LZIC: variants seen among roughly 807,000 people sequenced by gnomAD.
LZIC encodes leucine zipper and CTNNBIP1 domain containing, also known as protein LZIC.
LZIC carries 28 observed loss-of-function variants against 25.4 expected under a neutral mutation model. The ratio of observed to expected loss-of-function variants is 1.10; its 90% CI spans 0.82 to 1.51. The LOEUF (loss-of-function observed/expected upper bound fraction) is 1.51. Ranked by LOEUF, LZIC falls within the 40% of genes most tolerant of loss-of-function variation. The pLI, the probability that LZIC is intolerant of heterozygous loss-of-function variation, is 0.00. For synonymous variants in LZIC, 65 were observed against 70.7 expected (o/e 0.92, Z 0.40); for missense variants, 170 against 211.1 (o/e 0.81, Z 1.21).
At position 9,931,947 on chromosome 1, in the gene LZIC, A is replaced by T; in HGVS notation, c.458T>A (p.Leu153Ter). Residue 153 changes from leucine to a stop codon, truncating the protein, a stop_gained, in exon 7 of 8, where the codon TTG becomes TAG. Transcript: ENST00000377223. LOFTEE classifies it high-confidence loss of function. ...GAGTATAGCACCTGCATTTGCTGAC[A>T]AGAAGGCCTCATCATCTGCAGTCAG... ...EKLTADDEAF[L>*]SANAGAILSQ... The T allele has an allele frequency of 1.2e-6, 2 of 1,613,866 alleles. No homozygotes were observed. The highest frequency in any genetic ancestry group is 1.7e-6 in the Non-Finnish European group (2 of 1,179,876).
chr1:9,929,497 GTAGAT>G lies in LZIC; in HGVS notation c.*897_*901del. On this transcript the variant is annotated 3_prime_UTR_variant, in exon 8 of 8. Transcript: ENST00000377223. The stretch of plus-strand genomic sequence containing the variant: ...TTTGTGTTTCTCCAAAACCTGAAGA[GTAGAT>G]AACAGCTGACAGTTACCCCCCTCTG... 2.0e-6 allele frequency: 2 copies of G among 985,156 alleles called. No homozygotes were observed. Among genetic ancestry groups the G allele is most frequent in the Non-Finnish European group, 2.4e-6 (2 of 829,904 alleles). The allele number at this position is 985,156 out of a possible 1,614,324, so 61.0% of individuals were successfully genotyped here.
chr1:9,937,847 C>CAAAA (rs34452687), intron 2 of LZIC, among the ~76,000 whole-genome samples: 14 of 52,728 alleles, frequency 2.7e-4, no homozygotes, highest in East Asian at 6.2e-4. Context: ...GACCCTGACT[C>CAAAA]AAAAAAAAAA....
Position 9,928,713 on chromosome 1 carries a change from TAAA to T in LZIC, c.*1683_*1685del, listed in dbSNP as rs1257004116. Reference sequence around the variant, plus strand: ...ACATGGTGAAACCCTGTCTCTATACTAAAGGTACAAAAATTAGCTGGGCGTGGT... The same window carrying T: ...ACATGGTGAAACCCTGTCTCTATACTGGTACAAAAATTAGCTGGGCGTGGT... On this transcript the variant is annotated 3_prime_UTR_variant, in exon 8 of 8. Transcript: ENST00000377223. Among the ~76,000 whole-genome samples the T allele has an allele frequency of 4.0e-5, 6 of 151,754 alleles. No homozygotes were observed. Among genetic ancestry groups the T allele is most frequent in the Admixed American group, 1.3e-4 (2 of 15,216 alleles).
At chr1:9,926,050 C>G (rs958057255), downstream of LZIC, among the ~76,000 whole-genome samples, 8 of 151,986 alleles carry the variant, frequency 5.3e-5, no homozygotes, top group Non-Finnish European at 1.2e-4. Flanking sequence ...CCCGCCACCA[C>G]GCCCAGCTAA....
intron 2 of LZIC, among the ~76,000 whole-genome samples, chr1:9,941,793 G>A (rs572730825): frequency 3.2e-4 from 48 of 151,532 alleles, no homozygotes; most frequent in African/African-American, 1.2e-3. Context: ...CACCGCACCC[G>A]GCCTTTACCT....
intron 3 of LZIC, 49 bp downstream of exon 3, chr1:9,936,470 C>T: frequency 7.9e-7 from 1 of 1,269,906 alleles, no homozygotes; most frequent in Non-Finnish European, 1.2e-6. Flanking sequence ...GAGCTAGCTG[C>T]AGAAAAAACG....
At chr1:9,935,688 T>A in intron 3 of LZIC, 61 bp from the exon 4 acceptor site, 1 of 1,425,088 alleles carries the variant, frequency 7.0e-7, no homozygotes, top group Non-Finnish European at 9.5e-7. Flanking sequence ...AAATGCAATC[T>A]TAATACTTGT....
In LZIC at chr1:9,929,939, A is replaced by G. The variant is rs1640138756; in HGVS notation, c.*460T>C. The G allele has an allele frequency of 1.0e-6, 1 of 966,460 alleles. No homozygotes were observed. Among genetic ancestry groups the G allele is most frequent in the Non-Finnish European group, 1.2e-6 (1 of 812,566 alleles). 59.9% of individuals were successfully genotyped at this position (966,460 alleles called of 1,614,324 possible). A position where few individuals can be genotyped will look rare whatever the true frequency, so the allele number is the denominator to read the frequency against. On this transcript the variant is annotated 3_prime_UTR_variant, in exon 8 of 8. Coordinates refer to ENST00000377223, the MANE Select transcript of LZIC (RefSeq NM_032368.5). ...AGTTTCCTTGTTTGTAAAAACAGAA[A>G]TGATTTCTAAGATCACTCAGAATTG...
downstream of LZIC, among the ~76,000 whole-genome samples, chr1:9,924,458 G>A (rs1345663345): frequency 6.6e-6 from 1 of 151,908 alleles, no homozygotes; most frequent in Non-Finnish European, 1.5e-5. Flanking sequence ...GGGTTCAAGC[G>A]ATTCTCCTGC....
In LZIC at chr1:9,942,774, G is replaced by A; in HGVS notation, c.-159C>T. ...GGCTCAAAGTTCAAACCACCTCGGG[G>A]TGGAGATGCTGGAAAAAAGGAAACC... is the stretch of plus-strand genomic sequence containing the variant. On this transcript the variant is annotated 5_prime_UTR_variant, in exon 2 of 8. Transcript: ENST00000377223. 3 of 1,013,766 alleles carry A rather than the reference G, an allele frequency of 3.0e-6. No homozygotes were observed. Among genetic ancestry groups the A allele is most frequent in the Non-Finnish European group, 4.1e-6 (3 of 737,276 alleles). The allele number at this position is 1,013,766 out of a possible 1,614,324, so 62.8% of individuals were successfully genotyped here.
At chr1:9,942,950 C>A (rs1451892095) in intron 1 of LZIC, 168 bp from the exon 2 acceptor site, 1 of 353,362 alleles carries the variant, frequency 2.8e-6, no homozygotes, top group Non-Finnish European at 5.6e-6. Flanking sequence ...CTAGCGAGGC[C>A]GAGAGGGTCT....
chr1:9,923,469 C>CA (rs2101569824), downstream of LZIC, among the ~76,000 whole-genome samples: 1 of 151,124 alleles, frequency 6.6e-6, no homozygotes, highest in African/African-American at 2.4e-5. Flanking sequence ...GTCAGCCTCC[C>CA]AAAGTGCTGG....
At chr1:9,932,105 G>C (rs1463269853) in intron 6 of LZIC, 133 bp from the exon 7 acceptor site, 59 of 21,720 alleles carry the variant, frequency 2.7e-3, no homozygotes, top group Non-Finnish European at 9.3e-4. Context: ...GAGGCGTGGG[G>C]GGGGGGGGGG....
At position 9,930,353 on chromosome 1, in the gene LZIC, C is replaced by T. The variant is rs1487488780; in HGVS notation, c.*46G>A. 1.3e-6 allele frequency: 2 copies of T among 1,597,720 alleles called. No homozygotes were observed. Among genetic ancestry groups the T allele is most frequent in the Admixed American group, 3.5e-5 (2 of 56,912 alleles). ...ACTGAAAACCCCAGAAGAAAGACACCATTTACATTAAGAATGTGATCAATG... is the reference window on the plus strand; with the variant it reads ...ACTGAAAACCCCAGAAGAAAGACACTATTTACATTAAGAATGTGATCAATG... On this transcript the variant is annotated 3_prime_UTR_variant, in exon 8 of 8. Transcript: ENST00000377223.
intron 1 of LZIC, chr1:9,943,034 G>C: frequency 3.3e-6 from 1 of 306,800 alleles, no homozygotes; most frequent in Non-Finnish European, 6.6e-6. Context: ...AGGTAAGGGC[G>C]GAGAGCACGC....
chr1:9,926,420 A>G lies in LZIC; in HGVS notation c.*3979T>C, dbSNP rs1639987053. Among the ~76,000 whole-genome samples the G allele has an allele frequency of 6.6e-6, 1 of 152,170 alleles. No individual in the cohort carries two copies. The highest frequency in any genetic ancestry group is 1.5e-5 in the Non-Finnish European group (1 of 68,028). On this transcript the variant is annotated 3_prime_UTR_variant, in exon 8 of 8. Coordinates refer to ENST00000377223, the MANE Select transcript of LZIC (RefSeq NM_032368.5). ...GAGTTGCATAGTCTTTTATTTTTCT[A>G]AAGATGACCATTCCATGTTTAATGT...
rs368515880 is a variant in LZIC at position 9,932,833 on chromosome 1, T to C, written c.402A>G (p.Ile134Met). ...RDLYTQQKVEILTALRKLGEK... is the reference protein window; with the variant it reads ...RDLYTQQKVEMLTALRKLGEK... The stretch of plus-strand genomic sequence containing the variant: ...CTCCAAGTTTCCTAAGAGCTGTTAG[T>C]ATCTCCACTTTCTGTTGAGTGTACA... The change falls in exon 6 of 8, where the codon ATA becomes ATG. Residue 134 changes from isoleucine to methionine, a missense_variant. By Grantham distance (10) the Ile-to-Met change is conservative (BLOSUM62 1). Transcript: ENST00000377223. The C allele has an allele frequency of 1.2e-6, 2 of 1,611,666 alleles. No homozygotes were observed. Among genetic ancestry groups the C allele is most frequent in the African/African-American group, 2.7e-5 (2 of 74,872 alleles).
At chr1:9,936,676 G>T in intron 2 of LZIC, 49 bp from the exon 3 acceptor site, 1 of 1,252,384 alleles carries the variant, frequency 8.0e-7, no homozygotes, top group Non-Finnish European at 1.2e-6. Flanking sequence ...ACATACCAGT[G>T]CAATTTTTTT....
intron 2 of LZIC, 52 bp from the exon 3 acceptor site, chr1:9,936,679 A>G (rs571249731): frequency 2.4e-6 from 3 of 1,229,496 alleles, no homozygotes; most frequent in African/African-American, 3.0e-5. Context: ...TACCAGTGCA[A>G]TTTTTTTAAG....
Sources: allele counts gnomAD v4.1 joint callset (sites outside exome capture counted in the v4.1 genomes callset), GRCh38; gene constraint gnomAD v4.1.1; transcripts MANE v1.5; gene names NCBI Gene and HGNC (gene_info 2026-07-23, HGNC 2026-07-21).